CCSER1: variants seen among roughly 807,000 people sequenced by gnomAD.
CCSER1 encodes the protein serine-rich coiled-coil domain-containing protein 1.
A neutral mutation model predicts 82.0 loss-of-function variants in CCSER1; 41 were observed. That is an observed-to-expected ratio of 0.50 (90% confidence interval 0.39 to 0.65). The LOEUF (loss-of-function observed/expected upper bound fraction) is 0.65. CCSER1 is among the 30% of genes least tolerant of loss of function. The pLI, the probability that CCSER1 is intolerant of heterozygous loss-of-function variation, is 0.00. For synonymous variants in CCSER1, 414 were observed against 383.9 expected, an observed-to-expected ratio of 1.08 and a Z score of -0.92; for missense variants, 1,119 against 1,064.2, an observed-to-expected ratio of 1.05 and a Z score of -0.72.
rs1764860739 is a variant in CCSER1, at chr4:91,602,803, T to A, written c.*3746T>A. Among the ~76,000 whole-genome samples the A allele has an allele frequency of 6.6e-6, 1 of 152,034 alleles. No individual in the cohort carries two copies. The highest frequency in any genetic ancestry group is 1.5e-5 in the Non-Finnish European group (1 of 67,952). On this transcript the variant is annotated 3_prime_UTR_variant, in exon 11 of 11. Coordinates refer to ENST00000509176, the MANE Select transcript of CCSER1 (RefSeq NM_001145065.2). ...TCATGTTACTGAATCACATGCCCCA[T>A]AATCAGAAGCTTTTCCCTTATTGAT...
At chr4:91,309,377 T>G (rs577589481) in intron 10 of CCSER1, among the ~76,000 whole-genome samples, 1 of 152,218 alleles carries the variant, frequency 6.6e-6, no homozygotes, top group Admixed American at 6.6e-5. Context: ...TGTGTGCATG[T>G]GCACGCACGT....
intron 10 of CCSER1, among the ~76,000 whole-genome samples, chr4:91,374,127 T>A (rs1014148494): frequency 3.3e-5 from 5 of 151,986 alleles, no homozygotes; most frequent in Non-Finnish European, 7.4e-5. Context: ...GGTAAAGCAG[T>A]GATGAGGATG....
intron 10 of CCSER1, among the ~76,000 whole-genome samples, chr4:91,086,309 A>G (rs976513171): frequency 6.6e-6 from 1 of 152,110 alleles, no homozygotes; most frequent in Admixed American, 6.6e-5. Context: ...TTACAATGCA[A>G]TTTTTAAAAC....
intron 1 of CCSER1, among the ~76,000 whole-genome samples, chr4:90,271,243 A>G (rs563560190): frequency 2.6e-3 from 397 of 151,984 alleles, no homozygotes; most frequent in Non-Finnish European, 4.6e-3. Context: ...AAATTATTAT[A>G]CAAAGCTATG....
chr4:90,860,869 G>A (rs1765004244), intron 8 of CCSER1, among the ~76,000 whole-genome samples: 1 of 151,618 alleles, frequency 6.6e-6, no homozygotes, highest in Admixed American at 6.6e-5. Flanking sequence ...AGTGGGGAAT[G>A]GGGAATGATA....
At chr4:91,430,265 G>C (rs1754217128) in intron 10 of CCSER1, among the ~76,000 whole-genome samples, 1 of 152,096 alleles carries the variant, frequency 6.6e-6, no homozygotes, top group African/African-American at 2.4e-5. Context: ...GTTTAAACTT[G>C]TGCCTGTGTG....
chr4:91,442,470 T>G (rs1221836673), intron 10 of CCSER1, among the ~76,000 whole-genome samples: 6 of 136,636 alleles, frequency 4.4e-5, no homozygotes, highest in East Asian at 2.2e-4. Flanking sequence ...CAAAAATTAA[T>G]TCAAGATGGA....
At chr4:91,149,883 C>T (rs1001210868) in intron 10 of CCSER1, among the ~76,000 whole-genome samples, 9 of 152,142 alleles carry the variant, frequency 5.9e-5, no homozygotes, top group Admixed American at 1.3e-4. Context: ...TTACTGTAGC[C>T]TTGTAGTATA....
At chr4:91,489,867 A>G (rs924437683) in intron 10 of CCSER1, among the ~76,000 whole-genome samples, 1 of 152,156 alleles carries the variant, frequency 6.6e-6, no homozygotes, top group African/African-American at 2.4e-5. Flanking sequence ...AACAACCCGA[A>G]TATATATGGA....
At chr4:90,346,129 T>C (rs1204679616) in intron 3 of CCSER1, among the ~76,000 whole-genome samples, 1 of 152,112 alleles carries the variant, frequency 6.6e-6, no homozygotes, top group African/African-American at 2.4e-5. Flanking sequence ...AAACACATTT[T>C]ACCCAAATAA....
intron 10 of CCSER1, among the ~76,000 whole-genome samples, chr4:91,227,754 T>C (rs1365579643): frequency 6.6e-6 from 1 of 151,896 alleles, no homozygotes; most frequent in Non-Finnish European, 1.5e-5. Flanking sequence ...CACTTATATG[T>C]GAAAACAGGA....
intron 1 of CCSER1, among the ~76,000 whole-genome samples, chr4:90,161,283 A>T (rs926226852): frequency 2.0e-5 from 3 of 152,192 alleles, no homozygotes; most frequent in African/African-American, 7.2e-5. Flanking sequence ...AGTTTAAAAA[A>T]ACAGTTAACA....
chr4:90,762,177 C>G (rs1447975025), intron 7 of CCSER1, among the ~76,000 whole-genome samples: 1 of 152,042 alleles, frequency 6.6e-6, no homozygotes, highest in Non-Finnish European at 1.5e-5. Flanking sequence ...GGGGTGGTTA[C>G]CTCCATGCTG....
intron 9 of CCSER1, among the ~76,000 whole-genome samples, chr4:90,935,828 T>C (rs926911216): frequency 2.6e-5 from 4 of 152,050 alleles, no homozygotes; most frequent in African/African-American, 9.7e-5. Flanking sequence ...GCAAGTAAAG[T>C]GAAAAACACA....
At chr4:90,311,114 T>G (rs1176786028) in intron 2 of CCSER1, among the ~76,000 whole-genome samples, 2 of 152,106 alleles carry the variant, frequency 1.3e-5, no homozygotes, top group African/African-American at 2.4e-5. Context: ...TATAAAAATT[T>G]TGCATGTCAT....
At chr4:90,702,580 C>T (rs903424458) in intron 6 of CCSER1, among the ~76,000 whole-genome samples, 4 of 152,118 alleles carry the variant, frequency 2.6e-5, no homozygotes, top group African/African-American at 4.8e-5. Flanking sequence ...TGCTAGAATT[C>T]GGCTGTGAAT....
chr4:90,857,089 A>C (rs1185531784), intron 8 of CCSER1, among the ~76,000 whole-genome samples: 1 of 152,086 alleles, frequency 6.6e-6, no homozygotes, highest in African/African-American at 2.4e-5. Flanking sequence ...AAACTGTGTT[A>C]GTTATCTCTA....
chr4:90,932,945 A>T (rs1189600326), intron 9 of CCSER1, among the ~76,000 whole-genome samples: 2 of 38,112 alleles, frequency 5.2e-5, no homozygotes, highest in Non-Finnish European at 9.1e-5. Context: ...AAAGAAAGAA[A>T]GAAAGAAAGA....
chr4:90,943,797 AACT>A (rs1731897720), intron 9 of CCSER1, among the ~76,000 whole-genome samples: 1 of 138,606 alleles, frequency 7.2e-6, no homozygotes, highest in African/African-American at 2.8e-5. Flanking sequence ...GCTGGTCTCA[AACT>A]ACTGGCCTCA....
Sources: allele counts gnomAD v4.1 joint callset (sites outside exome capture counted in the v4.1 genomes callset), GRCh38; gene constraint gnomAD v4.1.1; transcripts MANE v1.5; gene names NCBI Gene and HGNC (gene_info 2026-07-23, HGNC 2026-07-21).